The following SLC35A3 variants were observed in gnomAD, a reference collection of about 807,000 sequenced individuals.
SLC35A3 encodes the protein UDP-N-acetylglucosamine transporter.
In SLC35A3, 26 loss-of-function variants were observed where a neutral mutation model predicts 39.0. That is an observed-to-expected ratio of 0.67 (90% CI 0.49 to 0.92). The LOEUF is 0.92. SLC35A3 is among the 40% of genes least tolerant of loss of function. The probability of loss-of-function intolerance (pLI) is 0.00; values close to 1 mark genes in which losing one functional copy is unlikely to be tolerated. For synonymous variants in SLC35A3, 135 were observed against 133.1 expected (o/e 1.01, Z -0.10); for missense variants, 299 against 371.6 (o/e 0.80, Z 1.61).
At chr1:100,004,252 T>G (rs1216717230) in intron 3 of SLC35A3, among the ~76,000 whole-genome samples, 1 of 152,232 alleles carries the variant, frequency 6.6e-6, no homozygotes, top group African/African-American at 2.4e-5. Context: ...TATGCTTTCT[T>G]GTGTTTTTAT....
At chr1:99,979,412 T>C (rs1157434398) in intron 1 of SLC35A3, among the ~76,000 whole-genome samples, 1 of 151,518 alleles carries the variant, frequency 6.6e-6, no homozygotes, top group African/African-American at 2.4e-5. Flanking sequence ...CTTGTGTATC[T>C]GTATTCTCCT....
At chr1:100,006,128 G>C (rs1221630986) in intron 3 of SLC35A3, among the ~76,000 whole-genome samples, 1 of 152,190 alleles carries the variant, frequency 6.6e-6, no homozygotes, top group Non-Finnish European at 1.5e-5. Flanking sequence ...AGTGGGGTCT[G>C]TCTGGTTCCT....
Position 100,034,442 on chromosome 1 carries a change from G to C in SLC35A3, c.*11966G>C, listed in dbSNP as rs1408248009. On this transcript the variant is annotated 3_prime_UTR_variant, in exon 8 of 8. Coordinates refer to ENST00000533028, the MANE Select transcript of SLC35A3 (RefSeq NM_012243.3). ...TATATGTGCAATTAATGATATTCATGTTGGAGTGTTGTATATTATTTGCCT... is the reference window on the plus strand; with the variant it reads ...TATATGTGCAATTAATGATATTCATCTTGGAGTGTTGTATATTATTTGCCT... 6.6e-6 allele frequency: 1 copy of C among 152,148 alleles called. No homozygotes were observed. The highest frequency in any genetic ancestry group is 1.5e-5 in the Non-Finnish European group (1 of 68,032). 9.4% of individuals were successfully genotyped at this position (152,148 alleles called of 1,614,324 possible).
intron 1 of SLC35A3, among the ~76,000 whole-genome samples, chr1:99,975,276 T>G (rs1228255844): frequency 6.6e-6 from 1 of 152,164 alleles, no homozygotes; most frequent in African/African-American, 2.4e-5. Context: ...CACAGAGTTA[T>G]GAAGAGATCA....
intron 1 of SLC35A3, among the ~76,000 whole-genome samples, chr1:99,976,617 T>C (rs1657118758): frequency 6.6e-6 from 1 of 152,232 alleles, no homozygotes; most frequent in South Asian, 2.1e-4. Context: ...ACACCTGGAA[T>C]ACTATGCAGC....
chr1:100,021,200 T>C (rs1660512984), intron 7 of SLC35A3, among the ~76,000 whole-genome samples: 1 of 151,814 alleles, frequency 6.6e-6, no homozygotes, highest in South Asian at 2.1e-4. Flanking sequence ...CCATCTCTAC[T>C]AAAAATTCAA....
chr1:100,003,004 A>G (rs511309), intron 3 of SLC35A3, among the ~76,000 whole-genome samples: 15,892 of 152,056 alleles, frequency 0.1, 1,330 homozygotes, highest in African/African-American at 0.23. Context: ...GGTTGTTTAT[A>G]TGAATCTTTC....
In SLC35A3 at chr1:100,025,416, G is replaced by C. The variant is rs902572680; in HGVS notation, c.*2940G>C. On this transcript the variant is annotated 3_prime_UTR_variant, in exon 8 of 8. Coordinates refer to ENST00000533028, the MANE Select transcript of SLC35A3 (RefSeq NM_012243.3). ...AGTTACAATGGTAACACATTTTTAG[G>C]TGTCGAAACACAATTTTCAAAATTC... 6.6e-6 allele frequency: 1 copy of C among 152,108 alleles called. No homozygotes were observed. The highest frequency in any genetic ancestry group is 6.5e-5 in the Admixed American group (1 of 15,270). The allele number at this position is 152,108 out of a possible 1,614,324, so 9.4% of individuals were successfully genotyped here. A position where few individuals can be genotyped will look rare whatever the true frequency, so the allele number is the denominator to read the frequency against.
chr1:100,012,567 G>A (rs575649407), intron 5 of SLC35A3, among the ~76,000 whole-genome samples: 1 of 152,102 alleles, frequency 6.6e-6, no homozygotes, highest in Admixed American at 6.6e-5. Flanking sequence ...ACATCAAATT[G>A]TCAAAGATTA....
intron 4 of SLC35A3, chr1:100,007,474 T>G (rs1219842135): frequency 5.7e-6 from 1 of 176,988 alleles, no homozygotes; most frequent in Non-Finnish European, 1.2e-5. Flanking sequence ...CACTCCCTTT[T>G]TATTTTCTAT....
chr1:100,029,877 C>T lies in SLC35A3; in HGVS notation c.*7401C>T, dbSNP rs771037791. Reference sequence around the variant, plus strand: ...TATATATATATAGAGAGAGAGAGAGCATAGTATTGTCATTTAGTTTTCACT... The same window carrying T: ...TATATATATATAGAGAGAGAGAGAGTATAGTATTGTCATTTAGTTTTCACT... On this transcript the variant is annotated 3_prime_UTR_variant, in exon 8 of 8. Transcript: ENST00000533028. The T allele has an allele frequency of 6.6e-5, 10 of 151,782 alleles. No homozygotes were observed. The highest frequency in any genetic ancestry group is 1.5e-4 in the Non-Finnish European group (10 of 67,958). 9.4% of individuals were successfully genotyped at this position (151,782 alleles called of 1,614,324 possible). A position where few individuals can be genotyped will look rare whatever the true frequency, so the allele number is the denominator to read the frequency against.
chr1:100,008,199 C>T (rs1384338124), intron 4 of SLC35A3: 6 of 152,132 alleles, frequency 3.9e-5, no homozygotes, highest in Non-Finnish European at 8.8e-5. Flanking sequence ...GATCCACCCT[C>T]CTCAGCCTCC....
Position 100,017,772 on chromosome 1 carries a change from A to G in SLC35A3, c.844A>G (p.Thr282Ala). 1 of 1,574,628 alleles carries G rather than the reference A, an allele frequency of 6.4e-7. No homozygotes were observed. The highest frequency in any genetic ancestry group is 1.2e-5 in the South Asian group (1 of 83,450). The change falls in exon 7 of 8, where the codon ACA (threonine) becomes GCA (alanine). Residue 282 changes from threonine (T) to alanine (A), a missense_variant. Physicochemically the swap from Thr to Ala is moderately conservative, Grantham distance 58. Coordinates refer to ENST00000533028, the MANE Select transcript of SLC35A3 (RefSeq NM_012243.3). ...AACCTCTTTATCGATAATATTATCA[A>G]CATTGATCTCCTATTTTTGGCTTCA... The part of the protein sequence containing the change: ...FATSLSIILS[T>A]LISYFWLQDF...
Position 100,028,691 on chromosome 1 carries a change from A to G in SLC35A3, c.*6215A>G, listed in dbSNP as rs1308760191. On this transcript the variant is annotated 3_prime_UTR_variant, in exon 8 of 8. Transcript: ENST00000533028. ...CTTTAAGGCAGGACCGATTACATAT[A>G]CACTCTAGAAAAGAAAATAGCAAGG... 3 of 152,188 alleles carry G rather than the reference A, an allele frequency of 2.0e-5. No homozygotes were observed. The highest frequency in any genetic ancestry group is 4.8e-5 in the African/African-American group (2 of 41,438). 9.4% of individuals were successfully genotyped at this position (152,188 alleles called of 1,614,324 possible). A position where few individuals can be genotyped will look rare whatever the true frequency, so the allele number is the denominator to read the frequency against.
At chr1:100,002,532 CT>C (rs1180941616) in intron 3 of SLC35A3, among the ~76,000 whole-genome samples, 1 of 151,872 alleles carries the variant, frequency 6.6e-6, no homozygotes, top group Non-Finnish European at 1.5e-5. Context: ...TTTTATTTAT[CT>C]TTTCATGAAA....
At chr1:100,015,272 A>C in intron 5 of SLC35A3, 30 bp from the exon 6 acceptor site, 1 of 1,538,286 alleles carries the variant, frequency 6.5e-7, no homozygotes, top group Non-Finnish European at 8.7e-7. Flanking sequence ...AAACTAAACG[A>C]TATATCATGT....
At position 100,024,581 on chromosome 1, in the gene SLC35A3, A is replaced by C. The variant is rs182241894; in HGVS notation, c.*2105A>C. 14 of 237,524 alleles carry C rather than the reference A, an allele frequency of 5.9e-5. No individual in the cohort carries two copies. The highest frequency in any genetic ancestry group is 3.2e-4 in the African/African-American group (14 of 43,330). 14.7% of individuals were successfully genotyped at this position (237,524 alleles called of 1,614,324 possible). A position where few individuals can be genotyped will look rare whatever the true frequency, so the allele number is the denominator to read the frequency against. ...AAAAAAAAAGAAAACACACACACAC[A>C]CACACACACCCACAGTATGAATGAA... On this transcript the variant is annotated 3_prime_UTR_variant, in exon 8 of 8. Coordinates refer to ENST00000533028, the MANE Select transcript of SLC35A3 (RefSeq NM_012243.3).
chr1:100,000,897 A>G (rs1000278587), intron 3 of SLC35A3, among the ~76,000 whole-genome samples: 1 of 151,444 alleles, frequency 6.6e-6, no homozygotes, highest in Non-Finnish European at 1.5e-5. Context: ...ATGGTGAGAG[A>G]TGGGATCTAG....
chr1:100,026,485 AT>A lies in SLC35A3; in HGVS notation c.*4010del. The A allele has an allele frequency of 6.6e-6, 1 of 152,304 alleles. No homozygotes were observed. The highest frequency in any genetic ancestry group is 1.9e-4 in the East Asian group (1 of 5,190). 9.4% of individuals were successfully genotyped at this position (152,304 alleles called of 1,614,324 possible). ...TCCTGTAATTCACAACTGTAGACAC[AT>A]GGGCAAAATTAGGATTTTTAAGAAT... On this transcript the variant is annotated 3_prime_UTR_variant, in exon 8 of 8. Transcript: ENST00000533028.
Sources: gnomAD v4.1 joint callset for allele counts (sites outside exome capture counted in the v4.1 genomes callset) on GRCh38, gnomAD v4.1.1 for gene constraint, MANE v1.5 for transcripts, NCBI Gene and HGNC (gene_info 2026-07-23, HGNC 2026-07-21) for gene names.